CCDC181: variants seen among roughly 807,000 people sequenced by gnomAD.
The protein encoded by CCDC181 is coiled-coil domain containing 181, also known as coiled-coil domain-containing protein 181.
CCDC181 carries 35 observed loss-of-function variants against 58.7 expected under a neutral mutation model. The observed-to-expected ratio is 0.60, with a 90% CI of 0.46 to 0.79. The LOEUF is 0.79. Ranked by LOEUF, CCDC181 falls within the 30% of genes least tolerant of loss-of-function variation. The pLI, the probability that CCDC181 is intolerant of heterozygous loss-of-function variation, is 0.00. For missense variants in CCDC181, 517 were observed against 583.9 expected, an observed-to-expected ratio of 0.89 and a Z score of 1.18; for synonymous variants, 183 against 197.5, an observed-to-expected ratio of 0.93 and a Z score of 0.62.
chr1:169,452,359 C>T (rs1657563845), intron 2 of CCDC181, among the ~76,000 whole-genome samples: 2 of 152,048 alleles, frequency 1.3e-5, no homozygotes, highest in East Asian at 1.9e-4. Context: ...ACTGTTTTGA[C>T]AGTAGTTTAA....
intron 4 of CCDC181, among the ~76,000 whole-genome samples, chr1:169,405,329 A>T (rs1238042951): frequency 6.6e-6 from 1 of 152,218 alleles, no homozygotes; most frequent in Admixed American, 6.5e-5. Context: ...ATGGAACCAA[A>T]AAAGAGCCCA....
intron 2 of CCDC181, among the ~76,000 whole-genome samples, chr1:169,447,566 A>G (rs976767443): frequency 6.6e-6 from 1 of 152,214 alleles, no homozygotes; most frequent in Non-Finnish European, 1.5e-5. Context: ...AGTACTATTC[A>G]GGTCAACTAT....
At chr1:169,456,331 G>A (rs1400592393) in intron 2 of CCDC181, among the ~76,000 whole-genome samples, 2 of 152,136 alleles carry the variant, frequency 1.3e-5, no homozygotes, top group Non-Finnish European at 2.9e-5. Context: ...AAGCCAGGTT[G>A]CATTGTTGCT....
chr1:169,398,074 C>T (rs1655147827), intron 4 of CCDC181, among the ~76,000 whole-genome samples: 1 of 152,130 alleles, frequency 6.6e-6, no homozygotes, highest in Non-Finnish European at 1.5e-5. Context: ...CACAACTGAA[C>T]TTTGTGGAGA....
chr1:169,395,003 A>C lies in CCDC181; in HGVS notation c.*44T>G, dbSNP rs1571451112. 6.6e-7 allele frequency: 1 copy of C among 1,525,546 alleles called. No individual in the cohort carries two copies. Among genetic ancestry groups the C allele is most frequent in the East Asian group, 2.3e-5 (1 of 42,900 alleles). 94.5% of individuals were successfully genotyped at this position (1,525,546 alleles called of 1,614,324 possible). Reference sequence around the variant, plus strand: ...CACAGACCCTAAGAAATCATATCCAAAATTTTGATAGCAGCTGCCCACTGA... The same window carrying C: ...CACAGACCCTAAGAAATCATATCCACAATTTTGATAGCAGCTGCCCACTGA... On this transcript the variant is annotated 3_prime_UTR_variant, in exon 6 of 6. Transcript: ENST00000367806.
intron 4 of CCDC181, among the ~76,000 whole-genome samples, chr1:169,401,332 G>C (rs1043976583): frequency 1.3e-5 from 2 of 152,244 alleles, no homozygotes; most frequent in Admixed American, 1.3e-4. Flanking sequence ...TGAGATCTGA[G>C]AAAGGACAGA....
At chr1:169,451,168 T>C (rs1657525537) in intron 2 of CCDC181, 1 of 152,058 alleles carries the variant, frequency 6.6e-6, no homozygotes, top group Non-Finnish European at 1.5e-5. Flanking sequence ...GAAGTTTTTT[T>C]CTTTATGGCC....
chr1:169,427,912 A>C (rs1272228371), upstream of CCDC181, among the ~76,000 whole-genome samples: 1 of 152,218 alleles, frequency 6.6e-6, no homozygotes, highest in African/African-American at 2.4e-5. Flanking sequence ...CAAAATGGTC[A>C]ACTAGAATTT....
intron 2 of CCDC181, among the ~76,000 whole-genome samples, chr1:169,432,953 ACTACTG>A (rs1278449842): frequency 1.3e-5 from 2 of 152,084 alleles, no homozygotes; most frequent in Non-Finnish European, 2.9e-5. Flanking sequence ...GCTGGCTTTC[ACTACTG>A]CTATTAAACA....
intron 4 of CCDC181, among the ~76,000 whole-genome samples, chr1:169,398,280 TGAG>T (rs769699512): frequency 1.3e-5 from 2 of 152,220 alleles, no homozygotes; most frequent in Admixed American, 6.5e-5. Flanking sequence ...TTCAAAATAA[TGAG>T]GAGAGGATTT....
chr1:169,419,437 G>A (rs1557868957), intron 3 of CCDC181, among the ~76,000 whole-genome samples: 1 of 151,914 alleles, frequency 6.6e-6, no homozygotes, highest in Non-Finnish European at 1.5e-5. Flanking sequence ...AAAATTAGCT[G>A]GGCTAATTTA....
intron 2 of CCDC181, among the ~76,000 whole-genome samples, chr1:169,452,377 G>C (rs1047312894): frequency 6.6e-6 from 1 of 152,154 alleles, no homozygotes; most frequent in African/African-American, 2.4e-5. Flanking sequence ...TAAGTGGAAT[G>C]ATGGGGATTC....
intron 4 of CCDC181, among the ~76,000 whole-genome samples, chr1:169,411,948 A>T (rs57295069): frequency 0.075 from 11,348 of 152,254 alleles, 1,546 homozygotes; most frequent in East Asian, 0.67. Context: ...AGCTGGAAGC[A>T]TTCCCTTTGA....
At chr1:169,430,554 G>C (rs897100033), upstream of CCDC181, among the ~76,000 whole-genome samples, 2 of 151,884 alleles carry the variant, frequency 1.3e-5, no homozygotes, top group African/African-American at 4.8e-5. Context: ...TGCAGCTATT[G>C]TAATGGGGTT....
In CCDC181 at chr1:169,424,964, A is replaced by G. The variant is rs1656651148; in HGVS notation, c.-23-14T>C. On this transcript the variant is annotated splice_polypyrimidine_tract_variant and intron_variant, in intron 1 of 5. Transcript: ENST00000367806. ...GAAGGAAATATGCTGTAAGATTTTA[A>G]AAGATAAGGTATATGTTATGCCCAC... is the stretch of plus-strand genomic sequence containing the variant. 2 of 1,299,934 alleles carry G rather than the reference A, an allele frequency of 1.5e-6. No homozygotes were observed. The highest frequency in any genetic ancestry group is 1.1e-6 in the Non-Finnish European group (1 of 900,978). 80.5% of individuals were successfully genotyped at this position (1,299,934 alleles called of 1,614,324 possible). A position where few individuals can be genotyped will look rare whatever the true frequency, so the allele number is the denominator to read the frequency against.
Position 169,422,173 on chromosome 1 carries a change from T to G in CCDC181, c.258A>C (p.Val86=). ...TGGGATCCAAAGGTTGAATACCTGG[T>G]ACAGAAATGATGTCATTTCTTCTTG... The part of the protein sequence containing the change: ...VSPRRNDIIS[V]PGIQPLDPIS... Residue 86 remains valine (V), a synonymous_variant, in exon 3 of 6, where the codon GTA becomes GTC. Transcript: ENST00000367806. 1 of 1,613,862 alleles carries G rather than the reference T, an allele frequency of 6.2e-7. No individual in the cohort carries two copies. Among genetic ancestry groups the G allele is most frequent in the Non-Finnish European group, 8.5e-7 (1 of 1,179,868 alleles).
chr1:169,426,058 G>A (rs776697964), intron 1 of CCDC181, among the ~76,000 whole-genome samples: 6 of 151,556 alleles, frequency 4.0e-5, no homozygotes, highest in Non-Finnish European at 8.8e-5. Context: ...ATAATTCAAA[G>A]GAAAAAAAAG....
intron 4 of CCDC181, among the ~76,000 whole-genome samples, chr1:169,416,596 AT>A (rs1476374488): frequency 6.6e-6 from 1 of 152,174 alleles, no homozygotes; most frequent in African/African-American, 2.4e-5. Context: ...TTTATTAGGA[AT>A]TTTTAAAAAG....
chr1:169,425,071 A>T, intron 1 of CCDC181, 121 bp from the exon 2 acceptor site: 1 of 464,288 alleles, frequency 2.2e-6, no homozygotes, highest in Non-Finnish European at 3.9e-6. Context: ...AATGTTCAAA[A>T]TGAACATGCA....
Sources: allele counts gnomAD v4.1 joint callset (sites outside exome capture counted in the v4.1 genomes callset), GRCh38; gene constraint gnomAD v4.1.1; transcripts MANE v1.5; gene names NCBI Gene and HGNC (gene_info 2026-07-23, HGNC 2026-07-21).